PTPRD: variants seen among roughly 807,000 people sequenced by gnomAD.
PTPRD encodes the protein protein tyrosine phosphatase receptor type D.
In PTPRD, 34 loss-of-function variants were observed where a neutral mutation model predicts 214.5. The ratio of observed to expected loss-of-function variants is 0.16; its 90% confidence interval spans 0.12 to 0.21. The LOEUF (loss-of-function observed/expected upper bound fraction) is 0.21. PTPRD is among the 10% of genes least tolerant of loss of function. The probability of loss-of-function intolerance (pLI) is 1.00; values close to 1 mark genes in which losing one functional copy is unlikely to be tolerated. For missense variants in PTPRD, 2,545 were observed against 2,398.7 expected, an observed-to-expected ratio of 1.06 and a Z score of -1.27; for synonymous variants, 1,128 against 845.7, an observed-to-expected ratio of 1.33 and a Z score of -5.79.
intron 9 of PTPRD, among the ~76,000 whole-genome samples, chr9:9,295,744 T>C (rs1423963488): frequency 6.6e-6 from 1 of 151,840 alleles, no homozygotes; most frequent in Non-Finnish European, 1.5e-5. Context: ...TTAATTTCTT[T>C]GAAATATTTC....
At chr9:9,510,195 T>C (rs1414522014) in intron 8 of PTPRD, among the ~76,000 whole-genome samples, 2 of 151,756 alleles carry the variant, frequency 1.3e-5, no homozygotes, top group South Asian at 2.1e-4. Flanking sequence ...TCATCAACAC[T>C]TATTTGGCTT....
intron 3 of PTPRD, among the ~76,000 whole-genome samples, chr9:10,263,625 C>G (rs1233667476): frequency 6.6e-6 from 1 of 151,976 alleles, no homozygotes; most frequent in Non-Finnish European, 1.5e-5. Flanking sequence ...ACAAAGTGTT[C>G]AAGAGGAAGC....
At chr9:8,459,718 A>T (rs1371271469) in intron 33 of PTPRD, among the ~76,000 whole-genome samples, 1 of 152,122 alleles carries the variant, frequency 6.6e-6, no homozygotes, top group Admixed American at 6.6e-5. Context: ...TCCTAACTGT[A>T]GTCAAAGACA....
At chr9:10,047,341 T>TGTGTGTGTGTGTGC (rs2097424713) in intron 3 of PTPRD, among the ~76,000 whole-genome samples, 3 of 150,406 alleles carry the variant, frequency 2.0e-5, no homozygotes, top group Admixed American at 1.3e-4. Flanking sequence ...TGTGTGTGCG[T>TGTGTGTGTGTGTGC]GTGTGTGTGT....
chr9:9,582,106 T>C (rs1487109884), intron 7 of PTPRD, among the ~76,000 whole-genome samples: 1 of 152,150 alleles, frequency 6.6e-6, no homozygotes, highest in Admixed American at 6.6e-5. Flanking sequence ...TTTGAGTGGG[T>C]TTAACACTAT....
chr9:10,500,812 G>C (rs1229706524), intron 2 of PTPRD, among the ~76,000 whole-genome samples: 1 of 151,554 alleles, frequency 6.6e-6, no homozygotes, highest in Non-Finnish European at 1.5e-5. Flanking sequence ...GTGTCTTTTT[G>C]TGCATAGCTT....
intron 10 of PTPRD, among the ~76,000 whole-genome samples, chr9:9,080,383 G>C (rs77364655): frequency 0.011 from 1,622 of 152,198 alleles, 15 homozygotes; most frequent in Middle Eastern, 0.02. Context: ...AAAGCTGTAT[G>C]TGAATACTGA....
chr9:9,122,518 C>G (rs975833580), intron 10 of PTPRD, among the ~76,000 whole-genome samples: 3 of 152,034 alleles, frequency 2.0e-5, no homozygotes, highest in African/African-American at 4.8e-5. Flanking sequence ...AGATCTCCAT[C>G]TTGGGTTTTA....
chr9:9,407,413 T>G (rs1569568062), intron 8 of PTPRD, among the ~76,000 whole-genome samples: 2 of 151,770 alleles, frequency 1.3e-5, no homozygotes, highest in Admixed American at 6.6e-5. Context: ...ACGTGTTTAA[T>G]TGTGATACAT....
intron 3 of PTPRD, among the ~76,000 whole-genome samples, chr9:10,174,915 T>TA (rs2099237489): frequency 6.6e-6 from 1 of 152,106 alleles, no homozygotes; most frequent in African/African-American, 2.4e-5. Flanking sequence ...TCCTTAATGG[T>TA]AATCAGTAAA....
chr9:10,295,244 G>C (rs1394993213), intron 3 of PTPRD, among the ~76,000 whole-genome samples: 2 of 152,020 alleles, frequency 1.3e-5, no homozygotes, highest in African/African-American at 4.8e-5. Flanking sequence ...GATATTTTAA[G>C]ATTTCGGTTA....
chr9:8,717,557 G>C lies in PTPRD; in HGVS notation c.64+16223C>G, dbSNP rs552668103. On this transcript the variant is annotated intron_variant, in intron 12 of 45. Coordinates refer to ENST00000381196, the MANE Select transcript of PTPRD (RefSeq NM_002839.4). ...TGCCAGTGACCTATTGAAAATTCAAGTCAGGCCACAACACTTCCCAGTTTA... is the reference window on the plus strand; with the variant it reads ...TGCCAGTGACCTATTGAAAATTCAACTCAGGCCACAACACTTCCCAGTTTA... Among the ~76,000 whole-genome samples, 76 of 152,270 alleles carry C rather than the reference G, an allele frequency of 5.0e-4. 1 individual carries two copies. The highest frequency in any genetic ancestry group is 1.7e-3 in the African/African-American group (71 of 41,554).
In PTPRD at chr9:8,418,662, A is replaced by G. The variant is rs142621396; in HGVS notation, c.4087-14002T>C. ...ACTTATTTCTTTCGGAATTACACGT[A>G]GTCTTATATATACCAGGATCACAAA... On this transcript the variant is annotated intron_variant, in intron 35 of 45. Coordinates refer to ENST00000381196, the MANE Select transcript of PTPRD (RefSeq NM_002839.4). Among the ~76,000 whole-genome samples the G allele has an allele frequency of 3.6e-3, 553 of 151,950 alleles. 2 individuals are homozygous for G. Among genetic ancestry groups the G allele is most frequent in the African/African-American group, 0.013 (530 of 41,446 alleles).
chr9:9,216,472 T>C (rs2099952311), intron 9 of PTPRD, among the ~76,000 whole-genome samples: 1 of 152,194 alleles, frequency 6.6e-6, no homozygotes, highest in African/African-American at 2.4e-5. Flanking sequence ...GCCACCCTTC[T>C]ATATGCCCTT....
intron 8 of PTPRD, among the ~76,000 whole-genome samples, chr9:9,552,278 A>G (rs1053983177): frequency 1.3e-5 from 2 of 152,034 alleles, no homozygotes; most frequent in Non-Finnish European, 2.9e-5. Flanking sequence ...AGTATTGAAG[A>G]AGGAAGTGAT....
intron 35 of PTPRD, among the ~76,000 whole-genome samples, chr9:8,435,782 C>T (rs1040757671): frequency 3.9e-5 from 6 of 152,006 alleles, no homozygotes; most frequent in African/African-American, 1.4e-4. Flanking sequence ...CAAGAATTCA[C>T]AAAGAATCTT....
At chr9:9,334,395 T>C (rs900312434) in intron 9 of PTPRD, among the ~76,000 whole-genome samples, 5 of 152,010 alleles carry the variant, frequency 3.3e-5, no homozygotes, top group Non-Finnish European at 7.4e-5. Context: ...TTCTAAAAGT[T>C]CTAGTTTAAT....
intron 11 of PTPRD, among the ~76,000 whole-genome samples, chr9:8,896,246 G>T (rs1482895138): frequency 6.6e-6 from 1 of 152,198 alleles, no homozygotes; most frequent in Non-Finnish European, 1.5e-5. Flanking sequence ...GGCAGAGGAA[G>T]CTTCTGTTAA....
At chr9:9,587,437 G>A (rs532293148) in intron 7 of PTPRD, among the ~76,000 whole-genome samples, 2 of 152,166 alleles carry the variant, frequency 1.3e-5, no homozygotes, top group South Asian at 2.1e-4. Context: ...ATCTAGATAG[G>A]AGAGGGGCTT....
Sources: gnomAD v4.1 joint callset for allele counts (sites outside exome capture counted in the v4.1 genomes callset) on GRCh38, gnomAD v4.1.1 for gene constraint, MANE v1.5 for transcripts, NCBI Gene and HGNC (gene_info 2026-07-23, HGNC 2026-07-21) for gene names.